Variants in ATRNL1 observed in about 807,000 individuals in gnomAD.
The protein encoded by ATRNL1 is attractin-like protein 1.
In ATRNL1, 95 loss-of-function variants were observed where a neutral mutation model predicts 182.7. The observed-to-expected ratio is 0.52, with a 90% CI of 0.44 to 0.62. The LOEUF (loss-of-function observed/expected upper bound fraction) is 0.62, where lower values mean the gene tolerates loss of function less well. ATRNL1 is among the 20% of genes least tolerant of loss of function. The pLI, the probability that ATRNL1 is intolerant of heterozygous loss-of-function variation, is 0.00. For missense variants in ATRNL1, 1,471 were observed against 1,679.5 expected, an observed-to-expected ratio of 0.88 and a Z score of 2.17; for synonymous variants, 576 against 568.3, an observed-to-expected ratio of 1.01 and a Z score of -0.19.
Position 115,468,009 on chromosome 10 carries a change from A to G in ATRNL1, c.3496+757A>G, listed in dbSNP as rs1055119865. ...TTTGATTTCTGAAAATTAAATCATT[A>G]TGCTATTTTAATATGTAGAATATTA... is the stretch of plus-strand genomic sequence containing the variant. On this transcript the variant is annotated intron_variant, in intron 23 of 28. Transcript: ENST00000355044. 4.0e-5 allele frequency among the ~76,000 whole-genome samples: 6 copies of G among 150,822 alleles called. No homozygotes were observed. The Admixed American group carries it at 4.0e-4, about 10-fold the overall frequency.
chr10:115,124,036 A>G (rs1554872588), intron 3 of ATRNL1, among the ~76,000 whole-genome samples: 1 of 152,014 alleles, frequency 6.6e-6, no homozygotes, highest in East Asian at 1.9e-4. Flanking sequence ...ACATATTACA[A>G]TGTAATAATA....
At chr10:115,902,149 CT>C (rs1555113658) in intron 28 of ATRNL1, among the ~76,000 whole-genome samples, 1 of 152,138 alleles carries the variant, frequency 6.6e-6, no homozygotes, top group Non-Finnish European at 1.5e-5. Context: ...TAATTGCTTT[CT>C]TGTCCTCCAT....
chr10:115,366,679 G>A (rs2134177049), intron 19 of ATRNL1, among the ~76,000 whole-genome samples: 1 of 151,556 alleles, frequency 6.6e-6, no homozygotes, highest in Admixed American at 6.6e-5. Context: ...TCCATGTTTA[G>A]TGCTTCCTTC....
chr10:115,906,013 G>T (rs1223548092), intron 28 of ATRNL1, among the ~76,000 whole-genome samples: 1 of 152,124 alleles, frequency 6.6e-6, no homozygotes. Flanking sequence ...TTAATACTAT[G>T]TAACAATAAC....
At chr10:115,107,559 G>T (rs1373589916) in intron 1 of ATRNL1, among the ~76,000 whole-genome samples, 1 of 152,176 alleles carries the variant, frequency 6.6e-6, no homozygotes, top group Admixed American at 6.5e-5. Flanking sequence ...CGCTCTTATA[G>T]TCTGAGGCTG....
intron 24 of ATRNL1, among the ~76,000 whole-genome samples, chr10:115,510,707 A>G (rs1554982475): frequency 1.3e-5 from 2 of 151,996 alleles, no homozygotes; most frequent in Admixed American, 6.6e-5. Flanking sequence ...CAACATCTCC[A>G]ACATATGCCT....
At chr10:115,211,883 C>A (rs115234163) in intron 8 of ATRNL1, among the ~76,000 whole-genome samples, 1,775 of 151,346 alleles carry the variant, frequency 0.012, 33 homozygotes, top group African/African-American at 0.04. Context: ...TTTTTCTTCT[C>A]CTTTTGGGAT....
chr10:115,448,153 T>C (rs1175282835), intron 21 of ATRNL1, among the ~76,000 whole-genome samples: 1 of 152,156 alleles, frequency 6.6e-6, no homozygotes, highest in Non-Finnish European at 1.5e-5. Context: ...GGATATTAAT[T>C]TTTTGTTCAT....
chr10:115,132,344 G>C (rs1165984966), intron 5 of ATRNL1, among the ~76,000 whole-genome samples: 1 of 152,076 alleles, frequency 6.6e-6, no homozygotes, highest in Non-Finnish European at 1.5e-5. Context: ...TGGACATTTG[G>C]GTTGGTTCCA....
chr10:115,373,748 A>G (rs534770738), intron 19 of ATRNL1, among the ~76,000 whole-genome samples: 1 of 152,036 alleles, frequency 6.6e-6, no homozygotes, highest in Non-Finnish European at 1.5e-5. Flanking sequence ...TTAAAGGATT[A>G]TTGAAATGAT....
At chr10:115,674,152 A>G (rs903085721) in intron 26 of ATRNL1, among the ~76,000 whole-genome samples, 3 of 152,068 alleles carry the variant, frequency 2.0e-5, no homozygotes, top group Non-Finnish European at 4.4e-5. Context: ...CAAATATTCT[A>G]TGCACACACT....
intron 28 of ATRNL1, among the ~76,000 whole-genome samples, chr10:115,914,537 CCAG>C (rs1243191249): frequency 6.6e-6 from 1 of 152,156 alleles, no homozygotes; most frequent in Non-Finnish European, 1.5e-5. Context: ...GAGCAAGTGA[CCAG>C]CAAGGACTTC....
chr10:115,906,450 G>A (rs1476022195), intron 28 of ATRNL1, among the ~76,000 whole-genome samples: 1 of 152,004 alleles, frequency 6.6e-6, no homozygotes, highest in African/African-American at 2.4e-5. Context: ...ATCTTAAAAG[G>A]CCCTGGCACA....
chr10:115,677,167 G>A (rs1220846996), intron 26 of ATRNL1, among the ~76,000 whole-genome samples: 1 of 152,100 alleles, frequency 6.6e-6, no homozygotes, highest in Non-Finnish European at 1.5e-5. Flanking sequence ...GGCTATTGAT[G>A]TGTGTACATA....
chr10:115,862,900 A>G (rs1951347733), intron 28 of ATRNL1, among the ~76,000 whole-genome samples: 1 of 152,216 alleles, frequency 6.6e-6, no homozygotes, highest in African/African-American at 2.4e-5. Flanking sequence ...AGAAACTCAT[A>G]TGAAATTATT....
intron 26 of ATRNL1, among the ~76,000 whole-genome samples, chr10:115,656,075 G>A (rs1454834776): frequency 6.6e-6 from 1 of 152,108 alleles, no homozygotes; most frequent in Non-Finnish European, 1.5e-5. Flanking sequence ...TTTGGTATTA[G>A]CCAGGCCTTC....
intron 21 of ATRNL1, among the ~76,000 whole-genome samples, chr10:115,458,530 G>T (rs1425984524): frequency 4.0e-5 from 6 of 151,876 alleles, no homozygotes; most frequent in African/African-American, 1.5e-4. Context: ...ACTTCATACT[G>T]ATCTAGTATT....
intron 28 of ATRNL1, among the ~76,000 whole-genome samples, chr10:115,931,797 G>A (rs1953403840): frequency 6.6e-6 from 1 of 152,156 alleles, no homozygotes; most frequent in Non-Finnish European, 1.5e-5. Context: ...GCCATCCTGT[G>A]AGGAACCTGT....
intron 28 of ATRNL1, among the ~76,000 whole-genome samples, chr10:115,862,731 A>G (rs1235544350): frequency 6.6e-6 from 1 of 152,182 alleles, no homozygotes; most frequent in East Asian, 1.9e-4. Context: ...CAGCAATATG[A>G]AACTACATAT....
Sources: allele counts gnomAD v4.1 joint callset (sites outside exome capture counted in the v4.1 genomes callset), GRCh38; gene constraint gnomAD v4.1.1; transcripts MANE v1.5; gene names NCBI Gene and HGNC (gene_info 2026-07-23, HGNC 2026-07-21).